The following GNG4 variants were observed in gnomAD, a reference collection of about 807,000 sequenced individuals.
The protein encoded by GNG4 is guanine nucleotide-binding protein G(I)/G(S)/G(O) subunit gamma-4.
Under a neutral mutation model 5.8 loss-of-function variants are expected in GNG4, and 4 were observed. That is an observed-to-expected ratio of 0.69 (90% CI 0.34 to 1.57). GNG4 has a LOEUF of 1.57. GNG4 is among the 40% of genes most tolerant of loss of function. The pLI is 0.06. For missense variants in GNG4, 96 were observed against 95.1 expected (o/e 1.01, Z -0.04); for synonymous variants, 29 against 32.9 (o/e 0.88, Z 0.41).
intron 3 of GNG4, among the ~76,000 whole-genome samples, chr1:235,582,566 C>T (rs1218417660): frequency 6.6e-6 from 1 of 152,222 alleles, no homozygotes; most frequent in East Asian, 1.9e-4. Context: ...GTCTGCACTT[C>T]TGGAGCACGG....
intron 3 of GNG4, among the ~76,000 whole-genome samples, chr1:235,570,388 CCTCTT>C (rs1377975864): frequency 7.2e-5 from 10 of 138,620 alleles, no homozygotes; most frequent in African/African-American, 1.1e-4. Flanking sequence ...GTTAGTTTCA[CCTCTT>C]CTTTTTTTTT....
intron 1 of GNG4, among the ~76,000 whole-genome samples, chr1:235,599,592 A>G (rs766444112): frequency 4.6e-5 from 7 of 152,180 alleles, no homozygotes; most frequent in African/African-American, 7.2e-5. Context: ...CTGGGGTTAC[A>G]TGTGTGAGGC....
At chr1:235,594,286 G>A (rs1688068712) in intron 2 of GNG4, among the ~76,000 whole-genome samples, 1 of 152,216 alleles carries the variant, frequency 6.6e-6, no homozygotes, top group Non-Finnish European at 1.5e-5. Flanking sequence ...TAGATACAGA[G>A]TGCCGATTGG....
At chr1:235,577,154 C>G (rs1424908760) in intron 3 of GNG4, among the ~76,000 whole-genome samples, 1 of 152,170 alleles carries the variant, frequency 6.6e-6, no homozygotes, top group East Asian at 1.9e-4. Flanking sequence ...TGGTGGTGGG[C>G]CCTATGGTTG....
intron 2 of GNG4, among the ~76,000 whole-genome samples, chr1:235,593,066 A>G (rs1358590950): frequency 6.6e-6 from 1 of 151,576 alleles, no homozygotes; most frequent in South Asian, 2.1e-4. Flanking sequence ...CTTCTGCCTC[A>G]GCCTCCTGAG....
intron 3 of GNG4, among the ~76,000 whole-genome samples, chr1:235,570,913 CAT>C (rs1358459494): frequency 0.013 from 851 of 64,814 alleles, 13 homozygotes; most frequent in African/African-American, 0.08. Context: ...TGTGTGTATA[CAT>C]ATATATATAC....
At chr1:235,568,677 T>A (rs1342327292) in intron 3 of GNG4, among the ~76,000 whole-genome samples, 1 of 152,164 alleles carries the variant, frequency 6.6e-6, no homozygotes, top group Non-Finnish European at 1.5e-5. Context: ...TTGTCCAGAC[T>A]GATATTTTCC....
chr1:235,611,175 T>C (rs936997286), intron 1 of GNG4, among the ~76,000 whole-genome samples: 25 of 151,778 alleles, frequency 1.6e-4, no homozygotes, highest in South Asian at 1.0e-3. Context: ...CTCTCTCTTT[T>C]TTTTTTTTTT....
At chr1:235,629,531 C>G (rs948020089) in intron 1 of GNG4, among the ~76,000 whole-genome samples, 2 of 152,060 alleles carry the variant, frequency 1.3e-5, no homozygotes, top group South Asian at 4.1e-4. Flanking sequence ...AAAGCCATCT[C>G]TGCCCTCCTT....
At chr1:235,606,307 A>G (rs11590982) in intron 1 of GNG4, among the ~76,000 whole-genome samples, 38,816 of 152,044 alleles carry the variant, frequency 0.26, 5,260 homozygotes, top group Non-Finnish European at 0.28. Flanking sequence ...GCTTGAACCC[A>G]GGAGGCAGAG....
chr1:235,628,993 A>ATTTTTTTTTTTTTTTTT (rs1054950474), intron 1 of GNG4, among the ~76,000 whole-genome samples: 4 of 118,362 alleles, frequency 3.4e-5, no homozygotes, highest in African/African-American at 1.2e-4. Flanking sequence ...ATTTGCTTGA[A>ATTTTTTTTTTTTTTTTT]TTTTTTTTTT....
chr1:235,561,972 GTTAA>G (rs1273983662), intron 3 of GNG4, among the ~76,000 whole-genome samples: 2 of 152,112 alleles, frequency 1.3e-5, no homozygotes, highest in Non-Finnish European at 2.9e-5. Context: ...TTTATTTTGA[GTTAA>G]TTTTTATAAA....
chr1:235,601,934 G>A (rs973650257), intron 1 of GNG4, among the ~76,000 whole-genome samples: 29 of 152,234 alleles, frequency 1.9e-4, no homozygotes, highest in African/African-American at 6.5e-4. Context: ...CCCTGGGAAC[G>A]TGTCAGAAAT....
At chr1:235,587,522 G>GT (rs1488610540) in intron 2 of GNG4, among the ~76,000 whole-genome samples, 1 of 28,904 alleles carries the variant, frequency 3.5e-5, no homozygotes, top group African/African-American at 1.7e-4. Context: ...AGGTGGGTGT[G>GT]TTGTGGGTGT....
At position 235,644,002 on chromosome 1, in the gene GNG4, G is replaced by A. The variant is rs1281171775; in HGVS notation, c.-123+5660C>T. On this transcript the variant is annotated intron_variant, in intron 1 of 3. Transcript: ENST00000391854. The surrounding 1 kb of genome is among the most constrained non-coding windows in gnomAD (Gnocchi z 5.9). ...GGGCACACTTGCTGCAGTGTTCACGGAGCACACACAGAAAGATCTGCCCGA... is the reference window on the plus strand; with the variant it reads ...GGGCACACTTGCTGCAGTGTTCACGAAGCACACACAGAAAGATCTGCCCGA... Among the ~76,000 whole-genome samples the A allele has an allele frequency of 6.6e-6, 1 of 152,114 alleles. No homozygotes were observed. The highest frequency in any genetic ancestry group is 1.9e-4 in the East Asian group (1 of 5,190).
chr1:235,649,348 C>A lies in GNG4; in HGVS notation c.-123+314G>T. ...ACAAATGGAAGAGGGGACCCCCGAG[C>A]CCCCGCCTGCCTCATGCCGGAGGGA... On this transcript the variant is annotated intron_variant, in intron 1 of 3. Coordinates refer to ENST00000391854, the MANE Select transcript of GNG4 (RefSeq NM_001098722.2). The surrounding 1 kb of genome is among the most constrained non-coding windows in gnomAD (Gnocchi z 5.7). 6.6e-6 allele frequency among the ~76,000 whole-genome samples: 1 copy of A among 152,210 alleles called. No homozygotes were observed. Among genetic ancestry groups the A allele is most frequent in the East Asian group, 1.9e-4 (1 of 5,172 alleles).
At chr1:235,575,910 C>A (rs1408551634) in intron 3 of GNG4, among the ~76,000 whole-genome samples, 1 of 152,196 alleles carries the variant, frequency 6.6e-6, no homozygotes, top group Admixed American at 6.5e-5. Context: ...GGGAGAACGC[C>A]TTCTCAGTGG....
intron 3 of GNG4, among the ~76,000 whole-genome samples, chr1:235,553,406 T>G (rs1036428963): frequency 6.6e-6 from 1 of 152,210 alleles, no homozygotes; most frequent in African/African-American, 2.4e-5. Context: ...GGTAAATACA[T>G]AGCAGTCAAA....
At chr1:235,594,624 G>A (rs1688077233) in intron 2 of GNG4, among the ~76,000 whole-genome samples, 1 of 152,214 alleles carries the variant, frequency 6.6e-6, no homozygotes, top group African/African-American at 2.4e-5. Flanking sequence ...AGCAGCTGCT[G>A]GCCCAGGTGC....
Sources: gnomAD v4.1 joint callset for allele counts (sites outside exome capture counted in the v4.1 genomes callset) on GRCh38, gnomAD v4.1.1 for gene constraint, Gnocchi (gnomAD v3.1) non-coding constraint, MANE v1.5 for transcripts, NCBI Gene and HGNC (gene_info 2026-07-23, HGNC 2026-07-21) for gene names.